The following WNK2 variants were observed in gnomAD, a reference collection of about 807,000 sequenced individuals.
The protein encoded by WNK2 is WNK lysine deficient protein kinase 2.
Under a neutral mutation model 192.1 loss-of-function variants are expected in WNK2, and 67 were observed. The ratio of observed to expected loss-of-function variants is 0.35; its 90% CI spans 0.29 to 0.43. The LOEUF (loss-of-function observed/expected upper bound fraction) is 0.43. Ranked by LOEUF, WNK2 falls within the 20% of genes least tolerant of loss-of-function variation. WNK2 has a pLI of 1.00. For synonymous variants in WNK2, 1,439 were observed against 1,393.9 expected (o/e 1.03, Z -0.72); for missense variants, 2,698 against 3,089.7 (o/e 0.87, Z 3.01).
rs1301081747 is a variant in WNK2, at chr9:93,189,896, T to C, written c.681+4286T>C. On this transcript the variant is annotated intron_variant, in intron 2 of 29. Coordinates refer to ENST00000427277, the MANE Select transcript of WNK2 (RefSeq NM_006648.4). The stretch of plus-strand genomic sequence containing the variant: ...GCTTTTAGCCCTGACCCAGCTGAAA[T>C]GGGGAGAAGAGGAGACGAGGGGACG... Among the ~76,000 whole-genome samples the C allele has an allele frequency of 3.9e-5, 6 of 152,050 alleles. No individual in the cohort carries two copies. In the South Asian group the frequency reaches 1.2e-3, roughly 32 times the overall value.
At chr9:93,207,782 C>T (rs1420086133) in intron 2 of WNK2, among the ~76,000 whole-genome samples, 9 of 152,168 alleles carry the variant, frequency 5.9e-5, no homozygotes, top group South Asian at 4.1e-4. Flanking sequence ...CCTCTCCAGG[C>T]GCTGTTTTTA....
At chr9:93,299,321 C>T in intron 25 of WNK2, 60 bp downstream of exon 25, 2 of 1,509,478 alleles carry the variant, frequency 1.3e-6, no homozygotes, top group African/African-American at 1.4e-5. Context: ...TCAGTGGTGT[C>T]CCCAGGAGCA....
rs1588051726 is a variant in WNK2 at position 93,229,960 on chromosome 9, C to T, written c.854+92C>T. ...TGAGGTCTTGGGCTGCTGGGGTGGT[C>T]CTGGCTGGTGCCTGTGGGAGGCTGT... is the stretch of plus-strand genomic sequence containing the variant. On this transcript the variant is annotated intron_variant, in intron 3 of 29. Transcript: ENST00000427277. The surrounding 1 kb of genome is among the most constrained non-coding windows in gnomAD (Gnocchi z 4.9). 6.8e-7 allele frequency: 1 copy of T among 1,479,444 alleles called. No individual in the cohort carries two copies. Among genetic ancestry groups the T allele is most frequent in the African/African-American group, 1.4e-5 (1 of 71,804 alleles). 91.6% of individuals were successfully genotyped at this position (1,479,444 alleles called of 1,614,324 possible).
At chr9:93,218,807 G>A (rs1350913213) in intron 2 of WNK2, among the ~76,000 whole-genome samples, 3 of 152,210 alleles carry the variant, frequency 2.0e-5, no homozygotes, top group Admixed American at 1.3e-4. Flanking sequence ...GGCTTCCTGG[G>A]GTTTGGTTGT....
chr9:93,230,906 G>A lies in WNK2; in HGVS notation c.873G>A (p.Lys291=), dbSNP rs979397825. Residue 291 remains lysine, a synonymous_variant, in exon 4 of 30, where the codon AAG becomes AAA. Coordinates refer to ENST00000427277, the MANE Select transcript of WNK2 (RefSeq NM_006648.4). The stretch of plus-strand genomic sequence containing the variant: ...CCTGCAGATACCTGAAGCGGTTCAA[G>A]GTGATGAAGCCCAAGGTTCTCCGCA... The part of the protein sequence containing the change: ...GTLKTYLKRF[K]VMKPKVLRSW... The A allele has an allele frequency of 5.2e-5, 84 of 1,613,310 alleles. No individual in the cohort carries two copies. The highest frequency in any genetic ancestry group is 6.9e-5 in the Non-Finnish European group (81 of 1,179,852).
chr9:93,290,085 C>T, intron 21 of WNK2, 38 bp downstream of exon 21: 2 of 1,540,740 alleles, frequency 1.3e-6, no homozygotes, highest in Non-Finnish European at 1.8e-6. Flanking sequence ...TCACAAGGTG[C>T]TGCCTGGCTT....
chr9:93,201,034 T>C (rs10992675), intron 2 of WNK2, among the ~76,000 whole-genome samples: 19,401 of 152,114 alleles, frequency 0.13, 1,700 homozygotes, highest in South Asian at 0.26. Flanking sequence ...CTGGGATGGA[T>C]TTTTAGGGAC....
intron 2 of WNK2, among the ~76,000 whole-genome samples, chr9:93,223,533 A>G (rs1269490856): frequency 6.6e-6 from 1 of 152,210 alleles, no homozygotes; most frequent in Non-Finnish European, 1.5e-5. Context: ...GGGGTTGTGA[A>G]CAGCCCTTTC....
Position 93,229,683 on chromosome 9 carries a change from T to C in WNK2, c.682-13T>C. 1 of 1,611,392 alleles carries C rather than the reference T, an allele frequency of 6.2e-7. No homozygotes were observed. Among genetic ancestry groups the C allele is most frequent in the Non-Finnish European group, 8.5e-7 (1 of 1,178,584 alleles). On this transcript the variant is annotated splice_polypyrimidine_tract_variant and intron_variant, in intron 2 of 29. Coordinates refer to ENST00000427277, the MANE Select transcript of WNK2 (RefSeq NM_006648.4). The surrounding 1 kb of genome is among the most constrained non-coding windows in gnomAD (Gnocchi z 4.9). ...CCATCTCTTGCCCACTTAGCATGTC[T>C]CTTGCCCTGTAGGACCGGAAGCTCA... is the stretch of plus-strand genomic sequence containing the variant.
intron 2 of WNK2, among the ~76,000 whole-genome samples, chr9:93,206,181 A>G (rs1319223606): frequency 6.6e-6 from 1 of 152,180 alleles, no homozygotes; most frequent in Admixed American, 6.5e-5. Context: ...CCATGTGGAC[A>G]GTGTGATCTG....
intron 23 of WNK2, among the ~76,000 whole-genome samples, chr9:93,293,919 C>G (rs1253449018): frequency 1.3e-5 from 2 of 152,020 alleles, no homozygotes; most frequent in African/African-American, 2.4e-5. Context: ...CTATCTGTCT[C>G]TCCTTTCTTT....
chr9:93,230,850 C>T lies in WNK2; in HGVS notation c.855-38C>T, dbSNP rs749034140. 10 of 1,587,188 alleles carry T rather than the reference C, an allele frequency of 6.3e-6. No homozygotes were observed. In the Admixed American group the frequency reaches 7.0e-5, roughly 11 times the overall value. ...GGCTTTGCTAGGGGGCCGCTGCCGG[C>T]GAGCTGCTTGGTGAGCTGTGCCCGT... On this transcript the variant is annotated intron_variant, in intron 3 of 29. Transcript: ENST00000427277.
chr9:93,310,018 C>T (rs1307184943), intron 28 of WNK2, among the ~76,000 whole-genome samples: 1 of 152,200 alleles, frequency 6.6e-6, no homozygotes, highest in East Asian at 1.9e-4. Context: ...GGAGAGCAGA[C>T]TTAGTGCTTG....
chr9:93,278,595 A>G (rs1329306496), intron 19 of WNK2, among the ~76,000 whole-genome samples: 3 of 152,236 alleles, frequency 2.0e-5, no homozygotes, highest in African/African-American at 4.8e-5. Context: ...AATTGTTTCA[A>G]GGTAACTTAA....
rs117401590 is a variant in WNK2 at position 93,304,300 on chromosome 9, G to A, written c.6215-2477G>A. Reference sequence around the variant, plus strand: ...GGGAGCCTCCACTTGCGCCTGGGGGGCTTCAGCTGATGTCGGCTGCACAAA... The same window carrying A: ...GGGAGCCTCCACTTGCGCCTGGGGGACTTCAGCTGATGTCGGCTGCACAAA... On this transcript the variant is annotated intron_variant, in intron 26 of 29. Coordinates refer to ENST00000427277, the MANE Select transcript of WNK2 (RefSeq NM_006648.4). Among the ~76,000 whole-genome samples the A allele has an allele frequency of 9.7e-3, 1,476 of 152,354 alleles. 11 individuals carry two copies. The highest frequency in any genetic ancestry group is 0.027 in the South Asian group (129 of 4,828).
At chr9:93,246,161 C>G (rs141170917) in intron 7 of WNK2, among the ~76,000 whole-genome samples, 90 of 152,294 alleles carry the variant, frequency 5.9e-4, no homozygotes, top group African/African-American at 1.9e-3. Context: ...TGTTACTGTT[C>G]ATTTTGATGC....
At chr9:93,218,234 C>T (rs1186318461) in intron 2 of WNK2, among the ~76,000 whole-genome samples, 1 of 152,180 alleles carries the variant, frequency 6.6e-6, no homozygotes, top group Non-Finnish European at 1.5e-5. Context: ...CAGGCCTTGC[C>T]CTGGGGTGCC....
intron 28 of WNK2, among the ~76,000 whole-genome samples, chr9:93,311,649 G>C (rs1310241395): frequency 6.6e-6 from 1 of 150,644 alleles, no homozygotes; most frequent in Non-Finnish European, 1.5e-5. Context: ...GTTTTGAGAC[G>C]GAGTTTTGCT....
chr9:93,240,182 A>G (rs571596549), intron 7 of WNK2, among the ~76,000 whole-genome samples: 32 of 152,248 alleles, frequency 2.1e-4, no homozygotes, highest in African/African-American at 7.2e-4. Context: ...GGGTGGCCTA[A>G]GTGGGAGTCC....
Sources: gnomAD v4.1 joint callset for allele counts (sites outside exome capture counted in the v4.1 genomes callset) on GRCh38, gnomAD v4.1.1 for gene constraint, Gnocchi (gnomAD v3.1) non-coding constraint, MANE v1.5 for transcripts, NCBI Gene and HGNC (gene_info 2026-07-23, HGNC 2026-07-21) for gene names.